The following ALDOC variants were observed in gnomAD, a reference collection of about 807,000 sequenced individuals.
The protein encoded by ALDOC is fructose-bisphosphate aldolase C.
A neutral mutation model predicts 39.5 loss-of-function variants in ALDOC; 23 were observed. The ratio of observed to expected loss-of-function variants is 0.58; its 90% confidence interval spans 0.42 to 0.82. The LOEUF (loss-of-function observed/expected upper bound fraction) is 0.82, where lower values mean the gene tolerates loss of function less well. ALDOC is among the 40% of genes least tolerant of loss of function. The pLI is 0.00. For missense variants in ALDOC, 356 were observed against 479.1 expected (o/e 0.74, Z 2.40); for synonymous variants, 160 against 182.6 (o/e 0.88, Z 1.00).
Position 28,575,651 on chromosome 17 carries a change from G to A in ALDOC, c.-12-107C>T, listed in dbSNP as rs567343680. On this transcript the variant is annotated intron_variant, in intron 1 of 8. Coordinates refer to ENST00000226253, the MANE Select transcript of ALDOC (RefSeq NM_005165.3). This position sits in a 1 kb window ranked among gnomAD's most constrained non-coding sequence, Gnocchi z 4.3. ...CAAGCAAGGGGCTGGGAACAGGGCA[G>A]CAGTCCTTGGCATGAGTCCTGGGCA... 2.6e-5 allele frequency: 36 copies of A among 1,363,636 alleles called. No homozygotes were observed. The East Asian group carries it at 9.0e-4, about 34-fold the overall frequency. The allele number at this position is 1,363,636 out of a possible 1,614,324, so 84.5% of individuals were successfully genotyped here.
Position 28,574,179 on chromosome 17 carries a change from G to C in ALDOC, c.687C>G (p.Leu229=). Residue 229 remains leucine, a synonymous_variant, in exon 7 of 9, where the codon CTC becomes CTG. Transcript: ENST00000226253. ...DHHVYLEGTL[L]KPNMVTPGHA... ...GGCCCGGGGTCACCATGTTGGGCTT[G>C]AGCAGGGTCCCCTCCAGGTATACAT... 2 of 1,611,608 alleles carry C rather than the reference G, an allele frequency of 1.2e-6. No homozygotes were observed. Among genetic ancestry groups the C allele is most frequent in the East Asian group, 2.2e-5 (1 of 44,880 alleles).
chr17:28,574,375 G>T, intron 6 of ALDOC, 119 bp downstream of exon 6: 1 of 1,448,262 alleles, frequency 6.9e-7, no homozygotes, highest in Non-Finnish European at 9.6e-7. Context: ...CCTGTGCCGG[G>T]ATGAAGTGAA....
In ALDOC at chr17:28,574,228, A is replaced by G. The variant is rs2070460284; in HGVS notation, c.638T>C (p.Val213Ala). The G allele has an allele frequency of 1.9e-6, 3 of 1,589,920 alleles. No individual in the cohort carries two copies. Among genetic ancestry groups the G allele is most frequent in the Non-Finnish European group, 2.6e-6 (3 of 1,168,954 alleles). The change falls in exon 7 of 9, where the codon GTG (valine) becomes GCG (alanine). Residue 213 changes from valine to alanine, a missense_variant. Val to Ala is a moderately conservative substitution (Grantham distance 64, BLOSUM62 0). Transcript: ENST00000226253. ...QYVTEKVLAA[V>A]YKALSDHHVY... ...ATGATGGTCACTCAGGGCCTTGTAC[A>G]CAGCAGCCAAGACCTGGGTGGGGAT...
At position 28,573,919 on chromosome 17, in the gene ALDOC, G is replaced by A. The variant is rs2070456806; in HGVS notation, c.815C>T (p.Ser272Phe). Residue 272 changes from serine (S) to phenylalanine (F), a missense_variant, in exon 8 of 9, where the codon TCT (serine) becomes TTT (phenylalanine). Coordinates refer to ENST00000226253, the MANE Select transcript of ALDOC (RefSeq NM_005165.3). The surrounding 1 kb of genome is among the most constrained non-coding windows in gnomAD (Gnocchi z 4.3). Reference sequence around the variant, plus strand: ...TGCCTCTTCTTCGCTCTGACCCCCAGACAGGAAGGTCACTCCTAGTGTGGA... The same window carrying A: ...TGCCTCTTCTTCGCTCTGACCCCCAAACAGGAAGGTCACTCCTAGTGTGGA... ...PPAVPGVTFL[S>F]GGQSEEEASF... The A allele has an allele frequency of 6.2e-7, 1 of 1,614,178 alleles. No homozygotes were observed. The highest frequency in any genetic ancestry group is 8.5e-7 in the Non-Finnish European group (1 of 1,180,036).
rs1222475947 is a variant in ALDOC, at chr17:28,574,245, G to C, written c.625-4C>G. 4 of 1,581,078 alleles carry C rather than the reference G, an allele frequency of 2.5e-6. No homozygotes were observed. The highest frequency in any genetic ancestry group is 3.4e-6 in the Non-Finnish European group (4 of 1,164,610). Reference sequence around the variant, plus strand: ...CCTTGTACACAGCAGCCAAGACCTGGGTGGGGATTAGAGGAGGTTTACTAA... The same window carrying C: ...CCTTGTACACAGCAGCCAAGACCTGCGTGGGGATTAGAGGAGGTTTACTAA... On this transcript the variant is annotated splice_polypyrimidine_tract_variant and splice_region_variant and intron_variant, in intron 6 of 8. Coordinates refer to ENST00000226253, the MANE Select transcript of ALDOC (RefSeq NM_005165.3).
chr17:28,573,769 C>T lies in ALDOC; in HGVS notation c.965G>A (p.Gly322Glu), dbSNP rs750437044. 11 of 1,614,082 alleles carry T rather than the reference C, an allele frequency of 6.8e-6. No individual in the cohort carries two copies. The South Asian group carries it at 1.1e-4, about 16-fold the overall frequency. ...NAWRGQRDNA[G>E]AATEEFIKRA... ...CTTGATGAACTCCTCAGTGGCAGCC[C>T]CAGCATTGTCCCGTTGCCCTCGCCA... The change falls in exon 8 of 9, where the codon GGG (glycine) becomes GAG (glutamate). Residue 322 changes from glycine to glutamate, a missense_variant. By Grantham distance (98) the Gly-to-Glu change is moderately conservative (BLOSUM62 -2). Transcript: ENST00000226253. The surrounding 1 kb of genome is among the most constrained non-coding windows in gnomAD (Gnocchi z 4.3).
In ALDOC at chr17:28,573,819, G is replaced by A. The variant is rs145405642; in HGVS notation, c.915C>T (p.Ala305=). 1 of 1,614,230 alleles carries A rather than the reference G, an allele frequency of 6.2e-7. No homozygotes were observed. The highest frequency in any genetic ancestry group is 1.1e-5 in the South Asian group (1 of 91,090). Residue 305 remains alanine, a synonymous_variant, in exon 8 of 9, where the codon GCC becomes GCT. Transcript: ENST00000226253. The surrounding 1 kb of genome is among the most constrained non-coding windows in gnomAD (Gnocchi z 4.3). ...PWALTFSYGR[A]LQASALNAWR... Reference sequence around the variant, plus strand: ...AGGCATTGAGTGCAGAGGCTTGCAGGGCACGCCCATAGGAGAAGGTAAGCG... The same window carrying A: ...AGGCATTGAGTGCAGAGGCTTGCAGAGCACGCCCATAGGAGAAGGTAAGCG...
At position 28,573,942 on chromosome 17, in the gene ALDOC, GGAGGA is replaced by G. The variant is rs1409205465; in HGVS notation, c.800-13_800-9del. 6.2e-7 allele frequency: 1 copy of G among 1,613,952 alleles called. No individual in the cohort carries two copies. Among genetic ancestry groups the G allele is most frequent in the African/African-American group, 1.3e-5 (1 of 74,942 alleles). On this transcript the variant is annotated splice_polypyrimidine_tract_variant and intron_variant, in intron 7 of 8. Transcript: ENST00000226253. This position sits in a 1 kb window ranked among gnomAD's most constrained non-coding sequence, Gnocchi z 4.3. ...CAGACAGGAAGGTCACTCCTAGTGT[GGAGGA>G]GAGAAGACAAACTGACTGGTCACTC... is the stretch of plus-strand genomic sequence containing the variant.
intron 5 of ALDOC, 43 bp downstream of exon 5, chr17:28,574,653 G>C (rs1383965263): frequency 9.3e-6 from 15 of 1,613,710 alleles, no homozygotes; most frequent in Non-Finnish European, 1.7e-6. Context: ...CTCCCCACCA[G>C]GCATACAGGG....
intron 6 of ALDOC, 68 bp from the exon 7 acceptor site, chr17:28,574,309 A>C: frequency 1.3e-6 from 2 of 1,514,786 alleles, no homozygotes; most frequent in South Asian, 1.2e-5. Context: ...GATGCTCCCT[A>C]TGTAGGGGTA....
In ALDOC at chr17:28,574,130, G is replaced by C. The variant is rs1247575662; in HGVS notation, c.736C>G (p.Pro246Ala). 1 of 1,611,036 alleles carries C rather than the reference G, an allele frequency of 6.2e-7. No homozygotes were observed. The highest frequency in any genetic ancestry group is 2.2e-5 in the East Asian group (1 of 44,874). ...ACAGTTGCCATGGCAATCTCCTCTGGGGTATACTTGATGGGACAGGCATGG... is the reference window on the plus strand; with the variant it reads ...ACAGTTGCCATGGCAATCTCCTCTGCGGTATACTTGATGGGACAGGCATGG... ...PGHACPIKYT[P>A]EEIAMATVTA... Residue 246 changes from proline (P) to alanine (A), a missense_variant, in exon 7 of 9, where the codon CCA becomes GCA. Coordinates refer to ENST00000226253, the MANE Select transcript of ALDOC (RefSeq NM_005165.3).
In ALDOC at chr17:28,574,158, C is replaced by T. The variant is rs745936751; in HGVS notation, c.708G>A (p.Pro236=). Residue 236 remains proline, a synonymous_variant, in exon 7 of 9, where the codon CCG becomes CCA. Transcript: ENST00000226253. ...GTLLKPNMVT[P]GHACPIKYTP... ...TATACTTGATGGGACAGGCATGGCC[C>T]GGGGTCACCATGTTGGGCTTGAGCA... 2.0e-5 allele frequency: 33 copies of T among 1,612,036 alleles called. No individual in the cohort carries two copies. Among genetic ancestry groups the T allele is most frequent in the South Asian group, 4.4e-5 (4 of 90,812 alleles).
At position 28,575,523 on chromosome 17, in the gene ALDOC, A is replaced by T. The variant is rs1294850742; in HGVS notation, c.10T>A (p.Ser4Thr). 11 of 1,614,056 alleles carry T rather than the reference A, an allele frequency of 6.8e-6. No homozygotes were observed. Among genetic ancestry groups the T allele is most frequent in the Non-Finnish European group, 9.3e-6 (11 of 1,179,958 alleles). The change falls in exon 2 of 9, where the codon TCG (serine) becomes ACG (threonine). Residue 4 changes from serine (S) to threonine (T), a missense_variant. By Grantham distance (58) the Ser-to-Thr change is moderately conservative. Transcript: ENST00000226253. This position sits in a 1 kb window ranked among gnomAD's most constrained non-coding sequence, Gnocchi z 4.3. ...TGCTCAGCAGAAAGGGCTGGGTACGAGTGAGGCATGGTGACAGCTCCCTGG... is the reference window on the plus strand; with the variant it reads ...TGCTCAGCAGAAAGGGCTGGGTACGTGTGAGGCATGGTGACAGCTCCCTGG... MPH[S>T]YPALSAEQKK...
Position 28,573,857 on chromosome 17 carries a change from G to A in ALDOC, c.877C>T (p.Pro293Ser). Residue 293 changes from proline (P) to serine (S), a missense_variant, in exon 8 of 9, where the codon CCC becomes TCC. Pro to Ser is a moderately conservative substitution (Grantham distance 74). Transcript: ENST00000226253. The surrounding 1 kb of genome is among the most constrained non-coding windows in gnomAD (Gnocchi z 4.3). ...GAGAAGGTAAGCGCCCAGGGTCGGG[G>A]AAGGGGGCAGCGGTTGATGGCATTG... ...NLNAINRCPLPRPWALTFSYG... is the reference protein window; with the variant it reads ...NLNAINRCPLSRPWALTFSYG... 6.2e-7 allele frequency: 1 copy of A among 1,614,258 alleles called. No homozygotes were observed. The highest frequency in any genetic ancestry group is 8.5e-7 in the Non-Finnish European group (1 of 1,180,046).
In ALDOC at chr17:28,573,522, A is replaced by G; in HGVS notation, c.*4T>C. On this transcript the variant is annotated 3_prime_UTR_variant, in exon 9 of 9. Transcript: ENST00000226253. The surrounding 1 kb of genome is among the most constrained non-coding windows in gnomAD (Gnocchi z 4.3). ...GGCCAAGGGCTGTGGTATGGAGTGG[A>G]TACTCAGTAGGCATGGTTGGCAATG... is the stretch of plus-strand genomic sequence containing the variant. The G allele has an allele frequency of 6.2e-7, 1 of 1,613,976 alleles. No homozygotes were observed. Among genetic ancestry groups the G allele is most frequent in the Non-Finnish European group, 8.5e-7 (1 of 1,179,854 alleles).
At chr17:28,574,340 G>A (rs2151516588) in intron 6 of ALDOC, 99 bp from the exon 7 acceptor site, 1 of 1,436,524 alleles carries the variant, frequency 7.0e-7, no homozygotes, top group Admixed American at 1.7e-5. Context: ...GACTGTGAGG[G>A]CTCAGTACAG....
At position 28,575,287 on chromosome 17, in the gene ALDOC, CCT is replaced by C; in HGVS notation, c.158_159del (p.Glu53GlyfsTer14). The C allele has an allele frequency of 2.5e-6, 4 of 1,614,224 alleles. No homozygotes were observed. Among genetic ancestry groups the C allele is most frequent in the Non-Finnish European group, 3.4e-6 (4 of 1,180,048 alleles). The part of the protein sequence containing the change: ...RLSQIGVENT[E>X]ENRRLYRQVL... ...ACCTGGCGGTACAGCCGGCGGTTCT[CCT>C]CTGTGTTTTCCACCCCAATTTGGCT... On this transcript the variant is annotated frameshift_variant, in exon 3 of 9. Coordinates refer to ENST00000226253, the MANE Select transcript of ALDOC (RefSeq NM_005165.3). LOFTEE classifies it high-confidence loss of function. This position sits in a 1 kb window ranked among gnomAD's most constrained non-coding sequence, Gnocchi z 4.3.
Position 28,575,119 on chromosome 17 carries a change from G to A in ALDOC, c.324+4C>T, listed in dbSNP as rs1265900077. On this transcript the variant is annotated splice_donor_region_variant and intron_variant, in intron 3 of 8. Coordinates refer to ENST00000226253, the MANE Select transcript of ALDOC (RefSeq NM_005165.3). This position sits in a 1 kb window ranked among gnomAD's most constrained non-coding sequence, Gnocchi z 4.3. The stretch of plus-strand genomic sequence containing the variant: ...TCCATTCAGAGCAGGGCCAGGGGCT[G>A]CACCTTGATGCCCACGACGATGCCC... 4 of 1,614,050 alleles carry A rather than the reference G, an allele frequency of 2.5e-6. No individual in the cohort carries two copies. The highest frequency in any genetic ancestry group is 3.4e-6 in the Non-Finnish European group (4 of 1,180,012).
chr17:28,575,369 C>T lies in ALDOC; in HGVS notation c.113-35G>A. Reference sequence around the variant, plus strand: ...AACAAAGAGAGGCAGTGAGAACATCCCCAGGGTCCCCTAGCCACCTGTACC... The same window carrying T: ...AACAAAGAGAGGCAGTGAGAACATCTCCAGGGTCCCCTAGCCACCTGTACC... On this transcript the variant is annotated intron_variant, in intron 2 of 8. Coordinates refer to ENST00000226253, the MANE Select transcript of ALDOC (RefSeq NM_005165.3). This position sits in a 1 kb window ranked among gnomAD's most constrained non-coding sequence, Gnocchi z 4.3. 6.2e-7 allele frequency: 1 copy of T among 1,614,172 alleles called. No individual in the cohort carries two copies. The highest frequency in any genetic ancestry group is 8.5e-7 in the Non-Finnish European group (1 of 1,180,008).
Sources: gnomAD v4.1 joint callset for allele counts on GRCh38, gnomAD v4.1.1 for gene constraint, Gnocchi (gnomAD v3.1) non-coding constraint, MANE v1.5 for transcripts, NCBI Gene and HGNC (gene_info 2026-07-23, HGNC 2026-07-21) for gene names.